The following RBSN variants were observed in gnomAD, a reference collection of about 807,000 sequenced individuals.
RBSN encodes rabenosyn, RAB effector.
Under a neutral mutation model 60.5 loss-of-function variants are expected in RBSN, and 34 were observed. The ratio of observed to expected loss-of-function variants is 0.56; its 90% confidence interval spans 0.43 to 0.75. RBSN has a LOEUF of 0.75. RBSN is among the 30% of genes least tolerant of loss of function. RBSN has a pLI of 0.00. For synonymous variants in RBSN, 322 were observed against 366.9 expected (o/e 0.88, Z 1.40); for missense variants, 845 against 986.8 (o/e 0.86, Z 1.92).
In RBSN at chr3:15,085,858, T is replaced by C; in HGVS notation, c.390+3A>G. 6.2e-7 allele frequency: 1 copy of C among 1,607,388 alleles called. No individual in the cohort carries two copies. Among genetic ancestry groups the C allele is most frequent in the Non-Finnish European group, 8.5e-7 (1 of 1,177,096 alleles). On this transcript the variant is annotated splice_donor_region_variant and intron_variant, in intron 6 of 13. Coordinates refer to ENST00000253699, the MANE Select transcript of RBSN (RefSeq NM_022340.4). ...AAAAATGTTTTAAGACAACAAAATT[T>C]ACCTTCTCTAACCTGATTATTAGTT...
chr3:15,092,061 A>C (rs1483968383), intron 4 of RBSN, among the ~76,000 whole-genome samples: 1 of 152,074 alleles, frequency 6.6e-6, no homozygotes, highest in Non-Finnish European at 1.5e-5. Context: ...TCTGTCACCC[A>C]GGCTGGAGTG....
In RBSN at chr3:15,073,582, G is replaced by A. The variant is rs1360963258; in HGVS notation, c.*200C>T. The A allele has an allele frequency of 1.9e-6, 1 of 534,226 alleles. No individual in the cohort carries two copies. Among genetic ancestry groups the A allele is most frequent in the Non-Finnish European group, 3.3e-6 (1 of 306,782 alleles). The allele number at this position is 534,226 out of a possible 1,614,324, so 33.1% of individuals were successfully genotyped here. On this transcript the variant is annotated 3_prime_UTR_variant, in exon 14 of 14. Transcript: ENST00000253699. ...CAGCAACTGAATGCTGATTCTCCCT[G>A]TTCTAGTTTCTATTTTATTATTCAA...
At position 15,095,965 on chromosome 3, in the gene RBSN, CCT is replaced by C. The variant is rs1248440153; in HGVS notation, c.148+6_148+7del. 1.2e-6 allele frequency: 2 copies of C among 1,614,154 alleles called. No individual in the cohort carries two copies. Among genetic ancestry groups the C allele is most frequent in the Non-Finnish European group, 8.5e-7 (1 of 1,180,002 alleles). The stretch of plus-strand genomic sequence containing the variant: ...CAGCAGGGGATAGGCAAGGTCCTCG[CCT>C]CTTACTTTTAATTTGCCCTTTGACA... On this transcript the variant is annotated splice_donor_region_variant and intron_variant, in intron 4 of 13. Transcript: ENST00000253699.
At chr3:15,098,849 C>T (rs1235454910) in intron 1 of RBSN, among the ~76,000 whole-genome samples, 186 bp downstream of exon 1, 4 of 152,242 alleles carry the variant, frequency 2.6e-5, no homozygotes, top group African/African-American at 9.6e-5. Context: ...TGTATACGCC[C>T]CGCGTAACCG....
At chr3:15,098,456 A>T (rs1259219739) in intron 1 of RBSN, among the ~76,000 whole-genome samples, 182 bp from the exon 2 acceptor site, 10 of 9,304 alleles carry the variant, frequency 1.1e-3, no homozygotes, top group Admixed American at 7.1e-3. Flanking sequence ...CGTAAAAAGT[A>T]AAAAAAATAA....
chr3:15,083,333 A>G (rs2059428897), intron 8 of RBSN, among the ~76,000 whole-genome samples: 1 of 152,204 alleles, frequency 6.6e-6, no homozygotes, highest in South Asian at 2.1e-4. Flanking sequence ...AAGAAGAAGC[A>G]TCTGTTTTTG....
At chr3:15,081,082 C>A in intron 9 of RBSN, 2 of 320,476 alleles carry the variant, frequency 6.2e-6, no homozygotes, top group South Asian at 4.8e-5. Context: ...GGCGCGATCT[C>A]CACTCACTGC....
chr3:15,077,100 G>A lies in RBSN; in HGVS notation c.1063C>T (p.Gln355Ter). Reference sequence around the variant, plus strand: ...GTAGCTGAGTATCTGATCATTCTCTGCAGCCGCAAATTGCTTGGATGTGGT... The same window carrying A: ...GTAGCTGAGTATCTGATCATTCTCTACAGCCGCAAATTGCTTGGATGTGGT... ...PPPHPSNLRL[Q>*]RMIRYSATLF... is the part of the protein sequence containing the mutation. The change falls in exon 12 of 14, where the codon CAG becomes TAG. Residue 355 changes from glutamine (Q) to a stop codon, truncating the protein, a stop_gained. Transcript: ENST00000253699. LOFTEE classifies it high-confidence loss of function. The surrounding 1 kb of genome is among the most constrained non-coding windows in gnomAD (Gnocchi z 4.4). The A allele has an allele frequency of 6.2e-7, 1 of 1,614,114 alleles. No individual in the cohort carries two copies. The highest frequency in any genetic ancestry group is 8.5e-7 in the Non-Finnish European group (1 of 1,180,004).
chr3:15,087,384 G>A (rs559217193), intron 5 of RBSN, among the ~76,000 whole-genome samples: 2 of 152,190 alleles, frequency 1.3e-5, no homozygotes, highest in Middle Eastern at 3.4e-3. Flanking sequence ...GCATGGTGGT[G>A]CACGCCTGTG....
intron 9 of RBSN, among the ~76,000 whole-genome samples, chr3:15,081,844 TCA>T (rs1313991769): frequency 6.6e-6 from 1 of 152,098 alleles, no homozygotes; most frequent in African/African-American, 2.4e-5. Flanking sequence ...CTATTTCCTC[TCA>T]GAGTATGCAT....
chr3:15,080,810 C>A lies in RBSN; in HGVS notation c.841-8G>T. On this transcript the variant is annotated splice_polypyrimidine_tract_variant and splice_region_variant and intron_variant, in intron 9 of 13. Coordinates refer to ENST00000253699, the MANE Select transcript of RBSN (RefSeq NM_022340.4). ...CATGCAAAGTCGTAATTTCTAAGAA[C>A]AAAAACAAAGAGGTAAGTGGTATGC... is the stretch of plus-strand genomic sequence containing the variant. 1 of 1,613,682 alleles carries A rather than the reference C, an allele frequency of 6.2e-7. No homozygotes were observed. The highest frequency in any genetic ancestry group is 8.5e-7 in the Non-Finnish European group (1 of 1,179,698).
At position 15,096,217 on chromosome 3, in the gene RBSN, A is replaced by G; in HGVS notation, c.-97T>C. The G allele has an allele frequency of 1.5e-6, 2 of 1,343,580 alleles. No individual in the cohort carries two copies. The highest frequency in any genetic ancestry group is 2.0e-6 in the Non-Finnish European group (2 of 1,012,320). 83.2% of individuals were successfully genotyped at this position (1,343,580 alleles called of 1,614,324 possible). On this transcript the variant is annotated 5_prime_UTR_variant, in exon 4 of 14. Coordinates refer to ENST00000253699, the MANE Select transcript of RBSN (RefSeq NM_022340.4). ...CCATGGTTCCCGCAGCATTAGCTTA[A>G]GCAGCACACAGATGGTGAGGAAGTG...
At chr3:15,093,533 G>A (rs559188033) in intron 4 of RBSN, among the ~76,000 whole-genome samples, 49 of 151,720 alleles carry the variant, frequency 3.2e-4, no homozygotes, top group African/African-American at 1.1e-3. Context: ...TTGGGACTAC[G>A]AGTGCGTGCC....
In RBSN at chr3:15,074,786, C is replaced by T. The variant is rs746244501; in HGVS notation, c.1351G>A (p.Gly451Arg). The part of the protein sequence containing the change: ...EGWLPLSGGQ[G>R]QSEDSDPLLQ... ...AGCGGGTCTGAGTCCTCACTCTGCC[C>T]CTGACCTCCTGACAGTGGGAGCCAG... is the stretch of plus-strand genomic sequence containing the variant. Residue 451 changes from glycine to arginine, a missense_variant, in exon 14 of 14, where the codon GGG becomes AGG. By Grantham distance (125) the Gly-to-Arg change is moderately radical (BLOSUM62 -2). Transcript: ENST00000253699. This position sits in a 1 kb window ranked among gnomAD's most constrained non-coding sequence, Gnocchi z 6.4. 1 of 1,614,244 alleles carries T rather than the reference C, an allele frequency of 6.2e-7. No homozygotes were observed. The highest frequency in any genetic ancestry group is 1.1e-5 in the South Asian group (1 of 91,086).
rs747986773 is a variant in RBSN at position 15,074,204 on chromosome 3, G to A, written c.1933C>T (p.Pro645Ser). 139 of 1,610,468 alleles carry A rather than the reference G, an allele frequency of 8.6e-5. 3 individuals carry two copies. In the South Asian group the frequency reaches 1.5e-3, roughly 18 times the overall value. ...GGGTCTAAGGAAACCCCTGCAGCAG[G>A]AGGACCAGTAGTGGCCTCTTCCATG... ...SPMEEATTGP[P>S]AAGVSLDPSA... The change falls in exon 14 of 14, where the codon CCT (proline) becomes TCT (serine). Residue 645 changes from proline (P) to serine (S), a missense_variant. Pro to Ser is a moderately conservative substitution (Grantham distance 74). Coordinates refer to ENST00000253699, the MANE Select transcript of RBSN (RefSeq NM_022340.4). This position sits in a 1 kb window ranked among gnomAD's most constrained non-coding sequence, Gnocchi z 6.4.
chr3:15,096,138 C>T lies in RBSN; in HGVS notation c.-18G>A, dbSNP rs6783581. The stretch of plus-strand genomic sequence containing the variant: ...GAAGCCATGGCAGTGCCGCTCTCAA[C>T]CCTAGGAAGGCAGGAATCTCATGCC... On this transcript the variant is annotated 5_prime_UTR_variant, in exon 4 of 14. Transcript: ENST00000253699. 0.013 allele frequency: 19,942 copies of T among 1,540,004 alleles called. 2,257 individuals are homozygous for T. In the African/African-American group the frequency reaches 0.24, roughly 19 times the overall value.
At chr3:15,092,761 C>T (rs1468263563) in intron 4 of RBSN, among the ~76,000 whole-genome samples, 2 of 152,102 alleles carry the variant, frequency 1.3e-5, no homozygotes, top group Non-Finnish European at 1.5e-5. Flanking sequence ...CTGATGTGAA[C>T]AAAGGGTCTA....
rs1398444246 is a variant in RBSN at position 15,082,772 on chromosome 3, G to A, written c.599-164C>T. On this transcript the variant is annotated intron_variant, in intron 8 of 13. Coordinates refer to ENST00000253699, the MANE Select transcript of RBSN (RefSeq NM_022340.4). This position sits in a 1 kb window ranked among gnomAD's most constrained non-coding sequence, Gnocchi z 4.2. ...CTCTGCCTTCCTGGTGTCAGACTCTGGTGAGAAAGGACTCCACTGCTGCCC... is the reference window on the plus strand; with the variant it reads ...CTCTGCCTTCCTGGTGTCAGACTCTAGTGAGAAAGGACTCCACTGCTGCCC... Among the ~76,000 whole-genome samples the A allele has an allele frequency of 3.3e-5, 5 of 152,158 alleles. No homozygotes were observed. Among genetic ancestry groups the A allele is most frequent in the East Asian group, 1.9e-4 (1 of 5,194 alleles).
intron 4 of RBSN, among the ~76,000 whole-genome samples, chr3:15,091,722 C>T (rs1160115849): frequency 6.6e-6 from 1 of 152,232 alleles, no homozygotes; most frequent in East Asian, 1.9e-4. Context: ...TTACAGGTAA[C>T]AGCAGGGCTG....
Sources: gnomAD v4.1 joint callset for allele counts (sites outside exome capture counted in the v4.1 genomes callset) on GRCh38, gnomAD v4.1.1 for gene constraint, Gnocchi (gnomAD v3.1) non-coding constraint, MANE v1.5 for transcripts, NCBI Gene and HGNC (gene_info 2026-07-23, HGNC 2026-07-21) for gene names.